The following COL5A2 variants were observed in gnomAD, a reference collection of about 807,000 sequenced individuals.
COL5A2 encodes the protein collagen type V alpha 2 chain.
Under a neutral mutation model 208.2 loss-of-function variants are expected in COL5A2, and 23 were observed. That is an observed-to-expected ratio of 0.11 (90% CI 0.08 to 0.16). The LOEUF is 0.16. COL5A2 is among the 10% of genes least tolerant of loss of function. The probability of loss-of-function intolerance (pLI) is 1.00; values close to 1 mark genes in which losing one functional copy is unlikely to be tolerated. For missense variants in COL5A2, 1,590 were observed against 1,956.4 expected, an observed-to-expected ratio of 0.81 and a Z score of 3.53; for synonymous variants, 625 against 628.5, an observed-to-expected ratio of 0.99 and a Z score of 0.08.
the COL5A2 span, among the ~76,000 whole-genome samples, chr2:189,341,400 A>G: frequency 5.3e-5 from 8 of 152,208 alleles, no homozygotes; most frequent in African/African-American, 1.9e-4. Context: ...TGTGACCAAA[A>G]GCATCAAAAA....
the COL5A2 span, among the ~76,000 whole-genome samples, chr2:189,401,723 T>G: frequency 6.6e-5 from 10 of 152,168 alleles, no homozygotes; most frequent in Non-Finnish European, 1.2e-4. Context: ...CTCACCAGCA[T>G]CTGTTGTCTT....
rs1346457143 is a variant in COL5A2, at chr2:189,154,183, G to A, written c.97+25325C>T. On this transcript the variant is annotated intron_variant, in intron 1 of 53. Coordinates refer to ENST00000374866, the MANE Select transcript of COL5A2 (RefSeq NM_000393.5). ...ACAGCTCTTTGGATACCTTAAAGGA[G>A]ATTACTATATCAGAAACTCTATTTT... is the stretch of plus-strand genomic sequence containing the variant. Among the ~76,000 whole-genome samples the A allele has an allele frequency of 2.0e-5, 3 of 152,150 alleles. No homozygotes were observed. In the East Asian group the frequency reaches 5.8e-4, roughly 29 times the overall value.
At chr2:189,180,116 G>A (rs1037622795), upstream of COL5A2, among the ~76,000 whole-genome samples, 3 of 151,810 alleles carry the variant, frequency 2.0e-5, no homozygotes, top group Non-Finnish European at 2.9e-5. Context: ...AAGACATTCC[G>A]AAGGAAATCC....
chr2:189,098,030 GTT>G (rs749683099), intron 5 of COL5A2, among the ~76,000 whole-genome samples: 18,412 of 150,788 alleles, frequency 0.12, 1,182 homozygotes, highest in Middle Eastern at 0.18. Context: ...ATCTTAAAAT[GTT>G]TTTCCCCCCC....
chr2:189,188,558 A>G (rs1323273945), intron 1 of COL5A2, among the ~76,000 whole-genome samples: 1 of 152,242 alleles, frequency 6.6e-6, no homozygotes, highest in Non-Finnish European at 1.5e-5. Context: ...CTCTGTAGCT[A>G]AATTGAGAGT....
At chr2:189,067,706 C>A (rs1351977527) in intron 21 of COL5A2, among the ~76,000 whole-genome samples, 1 of 152,090 alleles carries the variant, frequency 6.6e-6, no homozygotes, top group South Asian at 2.1e-4. Flanking sequence ...CACTGGCTTG[C>A]ATAATATTTT....
chr2:189,098,669 G>C, intron 5 of COL5A2, 58 bp downstream of exon 5: 1 of 1,285,898 alleles, frequency 7.8e-7, no homozygotes, highest in South Asian at 1.2e-5. Flanking sequence ...TATCTGTAAA[G>C]ATTTTCAGTA....
At chr2:189,112,800 A>C (rs1451871089) in intron 1 of COL5A2, among the ~76,000 whole-genome samples, 1 of 152,226 alleles carries the variant, frequency 6.6e-6, no homozygotes, top group African/African-American at 2.4e-5. Flanking sequence ...TGAAAAAATG[A>C]GAAATGTATT....
At position 189,098,824 on chromosome 2, in the gene COL5A2, T is replaced by C. The variant is rs1312486203; in HGVS notation, c.370-65A>G. 3 of 1,194,888 alleles carry C rather than the reference T, an allele frequency of 2.5e-6. No individual in the cohort carries two copies. The African/African-American group carries it at 4.5e-5, about 18-fold the overall frequency. 74.0% of individuals were successfully genotyped at this position (1,194,888 alleles called of 1,614,324 possible). ...TGCAGATATTCAGAGAGGTCAATAG[T>C]AACAAATAAGAATAACAACAAAAAC... On this transcript the variant is annotated intron_variant, in intron 4 of 53. Coordinates refer to ENST00000374866, the MANE Select transcript of COL5A2 (RefSeq NM_000393.5).
chr2:189,112,408 TAC>T (rs2105717061), intron 1 of COL5A2, among the ~76,000 whole-genome samples: 1 of 152,348 alleles, frequency 6.6e-6, no homozygotes, highest in East Asian at 1.9e-4. Context: ...TAGTTTACAA[TAC>T]AGATATTAAT....
At chr2:189,323,222 T>A in the COL5A2 span, among the ~76,000 whole-genome samples, 1 of 152,150 alleles carries the variant, frequency 6.6e-6, no homozygotes, top group Admixed American at 6.5e-5. Context: ...TCATACTGAA[T>A]GGGCAAAAAC....
the COL5A2 span, among the ~76,000 whole-genome samples, chr2:189,426,171 G>C: frequency 1.3e-5 from 2 of 152,154 alleles, no homozygotes; most frequent in Non-Finnish European, 2.9e-5. Context: ...CTAGAGACTT[G>C]ATAAGTTGTT....
the COL5A2 span, among the ~76,000 whole-genome samples, chr2:189,385,087 T>C: frequency 2.0e-5 from 3 of 152,102 alleles, no homozygotes; most frequent in Non-Finnish European, 1.5e-5. Flanking sequence ...TCTCCTTTAA[T>C]TGATAAATAT....
chr2:189,282,625 T>C, the COL5A2 span, among the ~76,000 whole-genome samples: 3 of 152,184 alleles, frequency 2.0e-5, no homozygotes, highest in African/African-American at 4.8e-5. Flanking sequence ...TATGACAACA[T>C]ACAAAATTAG....
the COL5A2 span, among the ~76,000 whole-genome samples, chr2:189,251,844 A>T: frequency 5.3e-5 from 8 of 152,166 alleles, no homozygotes; most frequent in Admixed American, 2.0e-4. Flanking sequence ...TGGGAGAAAA[A>T]TTTTGCAATC....
chr2:189,178,709 T>A (rs1342935632), intron 1 of COL5A2, among the ~76,000 whole-genome samples: 6 of 118,128 alleles, frequency 5.1e-5, no homozygotes, highest in African/African-American at 6.4e-5. Context: ...GATTTATCTT[T>A]AAAAAAAAAA....
chr2:189,438,120 T>C, the COL5A2 span, among the ~76,000 whole-genome samples: 1 of 151,798 alleles, frequency 6.6e-6, no homozygotes, highest in African/African-American at 2.4e-5. Flanking sequence ...ATGCTCAGCA[T>C]TAGTCATTAG....
In COL5A2 at chr2:189,052,364, T is replaced by G. The variant is rs1002491489; in HGVS notation, c.2716-139A>C. On this transcript the variant is annotated intron_variant, in intron 40 of 53. Coordinates refer to ENST00000374866, the MANE Select transcript of COL5A2 (RefSeq NM_000393.5). The stretch of plus-strand genomic sequence containing the variant: ...TGTAAGCAATATTTTTTTTTCTTCG[T>G]ACGAATCCCATATTTTGGGGAATTA... 3.2e-5 allele frequency: 26 copies of G among 825,320 alleles called. No homozygotes were observed. In the African/African-American group the frequency reaches 3.8e-4, roughly 12 times the overall value. 51.1% of individuals were successfully genotyped at this position (825,320 alleles called of 1,614,324 possible).
chr2:189,234,344 T>C, the COL5A2 span, among the ~76,000 whole-genome samples: 1 of 151,808 alleles, frequency 6.6e-6, no homozygotes, highest in Non-Finnish European at 1.5e-5. Context: ...ATTAGATTCA[T>C]TTCTATGTTT....
Sources: allele counts gnomAD v4.1 joint callset (sites outside exome capture counted in the v4.1 genomes callset), GRCh38; gene constraint gnomAD v4.1.1; transcripts MANE v1.5; gene names NCBI Gene and HGNC (gene_info 2026-07-23, HGNC 2026-07-21).